NQO2: variants seen among roughly 807,000 people sequenced by gnomAD.
NQO2 encodes N-ribosyldihydronicotinamide:quinone dehydrogenase 2, also known as ribosyldihydronicotinamide dehydrogenase [quinone].
NQO2 carries 18 observed loss-of-function variants against 22.0 expected under a neutral mutation model. That is an observed-to-expected ratio of 0.82 (90% CI 0.56 to 1.21). The LOEUF is 1.21. Ranked by LOEUF, NQO2 falls within the 50% of genes most tolerant of loss-of-function variation. NQO2 has a pLI of 0.00. For missense variants in NQO2, 267 were observed against 286.9 expected (o/e 0.93, Z 0.50); for synonymous variants, 106 against 110.8 (o/e 0.96, Z 0.28).
At position 3,006,338 on chromosome 6, in the gene NQO2, G is replaced by A; in HGVS notation, c.-85-130G>A. ...GGCCTAAATCTCCAGAAGATTCCTG[G>A]CCTCTCTTGAGAGGTCTTTCTCTGA... is the stretch of plus-strand genomic sequence containing the variant. On this transcript the variant is annotated intron_variant, in intron 1 of 6. Coordinates refer to ENST00000380455, the MANE Select transcript of NQO2 (RefSeq NM_000904.6). The surrounding 1 kb of genome is among the most constrained non-coding windows in gnomAD (Gnocchi z 4.0). 1.1e-5 allele frequency: 15 copies of A among 1,369,866 alleles called. No homozygotes were observed. The highest frequency in any genetic ancestry group is 1.4e-5 in the Non-Finnish European group (15 of 1,058,352). 84.9% of individuals were successfully genotyped at this position (1,369,866 alleles called of 1,614,324 possible).
rs1284923043 is a variant in NQO2, at chr6:3,018,395, CT to C, written c.520-1082del. Among the ~76,000 whole-genome samples, 5 of 152,268 alleles carry C rather than the reference CT, an allele frequency of 3.3e-5. No individual in the cohort carries two copies. In the East Asian group the frequency reaches 9.6e-4, roughly 29 times the overall value. Reference sequence around the variant, plus strand: ...TGGCGGACACCTGTAGTCCCAGCTACTTGGGAGGCTGAGGCAGCAGAATCGC... The same window carrying C: ...TGGCGGACACCTGTAGTCCCAGCTACTGGGAGGCTGAGGCAGCAGAATCGC... On this transcript the variant is annotated intron_variant, in intron 6 of 6. Coordinates refer to ENST00000380455, the MANE Select transcript of NQO2 (RefSeq NM_000904.6).
chr6:3,012,815 C>T, intron 4 of NQO2, 141 bp downstream of exon 4: 1 of 815,932 alleles, frequency 1.2e-6, no homozygotes, highest in Non-Finnish European at 1.9e-6. Flanking sequence ...AATATTGTAA[C>T]CTGGTTACAA....
intron 3 of NQO2, among the ~76,000 whole-genome samples, chr6:3,012,081 A>G (rs1757152906): frequency 6.6e-6 from 1 of 152,264 alleles, no homozygotes; most frequent in Non-Finnish European, 1.5e-5. Flanking sequence ...AGACAAATCT[A>G]TCAAAAACAA....
rs774137787 is a variant in NQO2, at chr6:3,012,711, C to T, written c.303+37C>T. 1.0e-5 allele frequency: 16 copies of T among 1,588,920 alleles called. No homozygotes were observed. In the Admixed American group the frequency reaches 1.9e-4, roughly 19 times the overall value. On this transcript the variant is annotated intron_variant, in intron 4 of 6. Coordinates refer to ENST00000380455, the MANE Select transcript of NQO2 (RefSeq NM_000904.6). ...TCTAATTAATATATTGAATCAGATT[C>T]ATCTTATGTACAAACTCTTTCTGAA...
At chr6:3,008,270 T>A (rs1332506135) in intron 2 of NQO2, among the ~76,000 whole-genome samples, 2 of 151,674 alleles carry the variant, frequency 1.3e-5, no homozygotes, top group Non-Finnish European at 2.9e-5. Context: ...ATACAAAAAA[T>A]TATCCGGGCG....
chr6:3,014,106 G>A (rs1038325572), intron 4 of NQO2, among the ~76,000 whole-genome samples: 1 of 152,220 alleles, frequency 6.6e-6, no homozygotes, highest in African/African-American at 2.4e-5. Flanking sequence ...GGCAAGGCAG[G>A]GGGTGAGCGG....
At chr6:3,017,580 G>A (rs535809214) in intron 6 of NQO2, among the ~76,000 whole-genome samples, 2 of 152,348 alleles carry the variant, frequency 1.3e-5, no homozygotes, top group East Asian at 3.9e-4. Context: ...CTGCGTGAGT[G>A]TCCCTGGGCC....
chr6:3,012,889 A>G (rs1192993415), intron 4 of NQO2, among the ~76,000 whole-genome samples: 1 of 150,924 alleles, frequency 6.6e-6, no homozygotes, highest in Non-Finnish European at 1.5e-5. Flanking sequence ...TCACCTAGTT[A>G]CAACACTTCA....
chr6:3,007,693 T>C (rs1433938652), intron 2 of NQO2, among the ~76,000 whole-genome samples: 2 of 152,232 alleles, frequency 1.3e-5, no homozygotes, highest in Admixed American at 1.3e-4. Context: ...ATACTGCCAG[T>C]GCCAGGAGGG....
chr6:3,012,494 G>A (rs1757167189), intron 3 of NQO2, 50 bp from the exon 4 acceptor site: 2 of 1,595,828 alleles, frequency 1.3e-6, no homozygotes, highest in Admixed American at 1.7e-5. Flanking sequence ...GTTGGGATGG[G>A]CTGTGGATGC....
Position 3,010,025 on chromosome 6 carries a change from G to A in NQO2, c.8G>A (p.Gly3Asp). 1.9e-6 allele frequency: 3 copies of A among 1,609,050 alleles called. No individual in the cohort carries two copies. The highest frequency in any genetic ancestry group is 2.5e-6 in the Non-Finnish European group (3 of 1,177,890). ...GGAACTGTTTCTTATCCTGATTTAG[G>A]TAAGAAAGTACTCATTGTCTATGCA... is the stretch of plus-strand genomic sequence containing the variant. The part of the protein sequence containing the change: MA[G>D]KKVLIVYAHQ... Residue 3 changes from glycine (G) to aspartate (D), a missense_variant and splice_region_variant, in exon 3 of 7, where the codon GGT becomes GAT. By Grantham distance (94) the Gly-to-Asp change is moderately conservative (BLOSUM62 -1). Transcript: ENST00000380455.
chr6:3,015,113 T>C (rs1358163173), intron 4 of NQO2: 2 of 1,294,676 alleles, frequency 1.5e-6, no homozygotes, highest in South Asian at 2.5e-5. Context: ...AATCCATAGA[T>C]GCTCAGCACC....
intron 4 of NQO2, 99 bp from the exon 5 acceptor site, chr6:3,015,431 G>T: frequency 6.7e-7 from 1 of 1,498,630 alleles, no homozygotes. Context: ...CCAGGGAAGA[G>T]GAGGGCTGTG....
rs752134759 is a variant in NQO2 at position 3,012,590 on chromosome 6, C to A, written c.219C>A (p.His73Gln). The change falls in exon 4 of 7, where the codon CAC (histidine) becomes CAA (glutamine). Residue 73 changes from histidine to glutamine, a missense_variant. Coordinates refer to ENST00000380455, the MANE Select transcript of NQO2 (RefSeq NM_000904.6). ...PEVFNYGVET[H>Q]EAYKQRSLAS... The stretch of plus-strand genomic sequence containing the variant: ...TTTTCAATTATGGAGTGGAAACCCA[C>A]GAAGCCTACAAGCAAAGGTCTCTGG... The A allele has an allele frequency of 3.1e-6, 5 of 1,614,096 alleles. No individual in the cohort carries two copies. The highest frequency in any genetic ancestry group is 4.2e-6 in the Non-Finnish European group (5 of 1,180,022).
rs768859405 is a variant in NQO2 at position 3,012,650 on chromosome 6, G to A, written c.279G>A (p.Arg93=). Residue 93 remains arginine (R), a synonymous_variant, in exon 4 of 7, where the codon CGG becomes CGA. Transcript: ENST00000380455. ...SDITDEQKKV[R]EADLVIFQFP... is the part of the protein sequence containing the mutation. Reference sequence around the variant, plus strand: ...TCACTGATGAGCAGAAAAAGGTTCGGGAGGCTGACCTAGTGATATTTCAGG... The same window carrying A: ...TCACTGATGAGCAGAAAAAGGTTCGAGAGGCTGACCTAGTGATATTTCAGG... 5 of 1,613,812 alleles carry A rather than the reference G, an allele frequency of 3.1e-6. No homozygotes were observed. The Admixed American group carries it at 6.7e-5, about 22-fold the overall frequency.
chr6:3,018,986 C>A (rs1757436700), intron 6 of NQO2, among the ~76,000 whole-genome samples: 1 of 151,854 alleles, frequency 6.6e-6, no homozygotes, highest in Non-Finnish European at 1.5e-5. Context: ...TATATATTTT[C>A]TCACATACAT....
At chr6:3,000,682 TA>T (rs1756656647) in intron 1 of NQO2, among the ~76,000 whole-genome samples, 1 of 149,356 alleles carries the variant, frequency 6.7e-6, no homozygotes, top group Admixed American at 6.6e-5. Flanking sequence ...CCTGGGATTA[TA>T]GGGGCGTGCC....
intron 1 of NQO2, chr6:3,003,445 G>GA (rs1756814243): frequency 1.3e-6 from 1 of 747,526 alleles, no homozygotes; most frequent in Admixed American, 6.2e-5. Context: ...TCGCTGCTGA[G>GA]AATTCTAGGA....
chr6:3,001,236 C>T (rs1337523292), intron 1 of NQO2, among the ~76,000 whole-genome samples: 2 of 151,924 alleles, frequency 1.3e-5, no homozygotes, highest in East Asian at 1.9e-4. Context: ...ATTACAGGTG[C>T]GTGCCACTAC....
Sources: allele counts gnomAD v4.1 joint callset (sites outside exome capture counted in the v4.1 genomes callset), GRCh38; gene constraint gnomAD v4.1.1; non-coding constraint Gnocchi (gnomAD v3.1); transcripts MANE v1.5; gene names NCBI Gene and HGNC (gene_info 2026-07-23, HGNC 2026-07-21).